The following ITGA1 variants were observed in gnomAD, a reference collection of about 807,000 sequenced individuals.
ITGA1 encodes the protein integrin subunit alpha 1, also known as integrin alpha-1.
Under a neutral mutation model 145.9 loss-of-function variants are expected in ITGA1, and 85 were observed. The ratio of observed to expected loss-of-function variants is 0.58; its 90% CI spans 0.49 to 0.70. ITGA1 has a LOEUF of 0.70. Ranked by LOEUF, ITGA1 falls within the 30% of genes least tolerant of loss-of-function variation. The pLI, the probability that ITGA1 is intolerant of heterozygous loss-of-function variation, is 0.00. For missense variants in ITGA1, 1,351 were observed against 1,418.7 expected, an observed-to-expected ratio of 0.95 and a Z score of 0.77; for synonymous variants, 520 against 495.3, an observed-to-expected ratio of 1.05 and a Z score of -0.66.
At chr5:52,801,540 G>T (rs1417185294) in intron 1 of ITGA1, 1 of 1,614,040 alleles carries the variant, frequency 6.2e-7, no homozygotes, top group African/African-American at 1.3e-5. Context: ...AAATGTTACA[G>T]CATGAACCGG....
intron 7 of ITGA1, among the ~76,000 whole-genome samples, chr5:52,882,597 C>T (rs1392667990): frequency 6.6e-6 from 1 of 152,118 alleles, no homozygotes; most frequent in Non-Finnish European, 1.5e-5. Context: ...TAGATTCCCT[C>T]CAATTTACAA....
chr5:52,840,912 C>T (rs1005171246), intron 1 of ITGA1, among the ~76,000 whole-genome samples: 7 of 152,160 alleles, frequency 4.6e-5, no homozygotes, highest in African/African-American at 1.7e-4. Flanking sequence ...TCCTTGCCTC[C>T]TTTCCACCAG....
At chr5:52,941,247 C>A (rs1487687602) in intron 26 of ITGA1, among the ~76,000 whole-genome samples, 1 of 152,156 alleles carries the variant, frequency 6.6e-6, no homozygotes, top group African/African-American at 2.4e-5. Context: ...GATATGACCG[C>A]ACGTGTCTTT....
At chr5:52,888,099 G>T in intron 8 of ITGA1, 134 bp downstream of exon 8, 1 of 857,442 alleles carries the variant, frequency 1.2e-6, no homozygotes, top group East Asian at 2.7e-5. Context: ...TAAGCCCTGG[G>T]AGGACAGACT....
chr5:52,925,533 C>T lies in ITGA1; in HGVS notation c.2613+46C>T, dbSNP rs1750793023. 2.9e-6 allele frequency: 4 copies of T among 1,391,580 alleles called. No individual in the cohort carries two copies. In the African/African-American group the frequency reaches 4.3e-5, roughly 15 times the overall value. 86.2% of individuals were successfully genotyped at this position (1,391,580 alleles called of 1,614,324 possible). On this transcript the variant is annotated intron_variant, in intron 19 of 28. Coordinates refer to ENST00000282588, the MANE Select transcript of ITGA1 (RefSeq NM_181501.2). The stretch of plus-strand genomic sequence containing the variant: ...TTATTTGTTCTCTTAACATCATTTA[C>T]CTGGCCTACTTTTCATGCTACTGAG...
At chr5:52,815,185 A>G (rs535155036) in intron 1 of ITGA1, among the ~76,000 whole-genome samples, 19 of 152,304 alleles carry the variant, frequency 1.2e-4, no homozygotes, top group African/African-American at 4.1e-4. Flanking sequence ...CATTTAATCA[A>G]AAAAACAAGA....
intron 8 of ITGA1, among the ~76,000 whole-genome samples, chr5:52,890,163 G>C (rs1216933747): frequency 6.6e-6 from 1 of 152,100 alleles, no homozygotes; most frequent in African/African-American, 2.4e-5. Flanking sequence ...TTTACCACCT[G>C]CCTTCCTCCA....
chr5:52,929,861 C>T (rs1750869551), intron 21 of ITGA1, among the ~76,000 whole-genome samples, 160 bp downstream of exon 21: 1 of 151,474 alleles, frequency 6.6e-6, no homozygotes, highest in African/African-American at 2.4e-5. Context: ...CAAAAACACC[C>T]TTAAGAATAA....
At chr5:52,828,418 G>A (rs1266685968) in intron 1 of ITGA1, among the ~76,000 whole-genome samples, 1 of 152,058 alleles carries the variant, frequency 6.6e-6, no homozygotes, top group Non-Finnish European at 1.5e-5. Context: ...ATGCTGTTGA[G>A]CATCTTATTA....
chr5:52,913,428 T>C (rs965380995), intron 14 of ITGA1, among the ~76,000 whole-genome samples: 27 of 152,234 alleles, frequency 1.8e-4, no homozygotes, highest in African/African-American at 6.5e-4. Context: ...AAAATAAATC[T>C]GAATATTAAG....
At chr5:52,902,069 T>C (rs1561242559) in intron 11 of ITGA1, 1 of 147,798 alleles carries the variant, frequency 6.8e-6, no homozygotes, top group South Asian at 2.3e-4. Context: ...GGGTCACAAA[T>C]TGAGAAGAGA....
At chr5:52,796,678 T>TA (rs2111652189) in intron 1 of ITGA1, among the ~76,000 whole-genome samples, 1 of 152,228 alleles carries the variant, frequency 6.6e-6, no homozygotes, top group African/African-American at 2.4e-5. Flanking sequence ...TTGACTCACC[T>TA]AGCTTATCAT....
At position 52,915,431 on chromosome 5, in the gene ITGA1, T is replaced by C. The variant is rs535897718; in HGVS notation, c.1858-33T>C. On this transcript the variant is annotated intron_variant, in intron 14 of 28. Coordinates refer to ENST00000282588, the MANE Select transcript of ITGA1 (RefSeq NM_181501.2). ...TGAAACTGTTTTGAACAGACTCTTC[T>C]CATATGAAACTCTTTTTTTTGGATT... 3 of 1,605,884 alleles carry C rather than the reference T, an allele frequency of 1.9e-6. No individual in the cohort carries two copies. In the South Asian group the frequency reaches 3.3e-5, roughly 18 times the overall value.
In ITGA1 at chr5:52,893,712, A is replaced by C. The variant is rs1238668908; in HGVS notation, c.962A>C (p.Glu321Ala). The change falls in exon 9 of 29, where the codon GAA (glutamate) becomes GCA (alanine). Residue 321 changes from glutamate (E) to alanine (A), a missense_variant. Transcript: ENST00000282588. ...TATAACCGAGGAAATTTAAGCACTG[A>C]AAAATTTGTGGAGGAAATAAAATCA... Reference protein sequence around the residue: ...GSYNRGNLSTEKFVEEIKSIA... With the variant: ...GSYNRGNLSTAKFVEEIKSIA... 2 of 1,612,898 alleles carry C rather than the reference A, an allele frequency of 1.2e-6. No homozygotes were observed. The highest frequency in any genetic ancestry group is 1.7e-6 in the Non-Finnish European group (2 of 1,179,310).
intron 14 of ITGA1, among the ~76,000 whole-genome samples, chr5:52,910,905 C>T (rs10040684): frequency 7.6e-4 from 100 of 131,696 alleles, no homozygotes; most frequent in South Asian, 7.1e-4. Context: ...ATAGTATATA[C>T]GGTATGTATA....
intron 1 of ITGA1, among the ~76,000 whole-genome samples, chr5:52,827,726 A>G (rs2454584): frequency 0.024 from 3,671 of 152,306 alleles, 199 homozygotes; most frequent in East Asian, 0.24. Flanking sequence ...CATTGAGGCA[A>G]ACCCTCCACC....
At chr5:52,887,351 C>G (rs553198092) in intron 7 of ITGA1, among the ~76,000 whole-genome samples, 1 of 152,196 alleles carries the variant, frequency 6.6e-6, no homozygotes, top group South Asian at 2.1e-4. Flanking sequence ...AGAGGATTTT[C>G]GAGCCATTCT....
chr5:52,913,811 A>G (rs1235547329), intron 14 of ITGA1, among the ~76,000 whole-genome samples: 2 of 152,202 alleles, frequency 1.3e-5, no homozygotes, highest in Non-Finnish European at 2.9e-5. Flanking sequence ...GTGATTTTTC[A>G]TAAAACCATA....
chr5:52,930,005 T>A (rs1347771549), intron 21 of ITGA1, among the ~76,000 whole-genome samples: 2 of 152,134 alleles, frequency 1.3e-5, no homozygotes, highest in South Asian at 2.1e-4. Context: ...TCATAAAAAA[T>A]TTACTGATAA....
Sources: gnomAD v4.1 joint callset for allele counts (sites outside exome capture counted in the v4.1 genomes callset) on GRCh38, gnomAD v4.1.1 for gene constraint, MANE v1.5 for transcripts, NCBI Gene and HGNC (gene_info 2026-07-23, HGNC 2026-07-21) for gene names.